STT3B: variants seen among roughly 807,000 people sequenced by gnomAD.
The protein encoded by STT3B is STT3 oligosaccharyltransferase complex catalytic subunit B.
A neutral mutation model predicts 96.8 loss-of-function variants in STT3B; 29 were observed. The ratio of observed to expected loss-of-function variants is 0.30; its 90% CI spans 0.22 to 0.41. STT3B has a LOEUF of 0.41. Among genes scored for constraint, STT3B ranks in the 10% least tolerant of loss-of-function variants. The probability of loss-of-function intolerance (pLI) is 1.00; values close to 1 mark genes in which losing one functional copy is unlikely to be tolerated. For missense variants in STT3B, 640 were observed against 1,022.3 expected (o/e 0.63, Z 5.10); for synonymous variants, 367 against 360.0 (o/e 1.02, Z -0.22).
At chr3:31,594,522 C>T (rs962818719) in intron 3 of STT3B, among the ~76,000 whole-genome samples, 9 of 151,990 alleles carry the variant, frequency 5.9e-5, no homozygotes, top group Admixed American at 3.9e-4. Flanking sequence ...CTCCACCTCC[C>T]GGGTTCAAGT....
In STT3B at chr3:31,533,378, G is replaced by C. The variant is rs547793666; in HGVS notation, c.314+66G>C. On this transcript the variant is annotated intron_variant, in intron 1 of 15. Coordinates refer to ENST00000295770, the MANE Select transcript of STT3B (RefSeq NM_178862.3). ...GGAACCGGGACCCGCTCCTCCGCCC[G>C]CCGCAGCTCTCCTCGACTTGGCCCC... is the stretch of plus-strand genomic sequence containing the variant. The C allele has an allele frequency of 6.5e-6, 9 of 1,394,134 alleles. No homozygotes were observed. The South Asian group carries it at 1.1e-4, about 16-fold the overall frequency. 86.4% of individuals were successfully genotyped at this position (1,394,134 alleles called of 1,614,324 possible).
At chr3:31,569,349 A>G (rs1698083531) in intron 1 of STT3B, among the ~76,000 whole-genome samples, 1 of 152,140 alleles carries the variant, frequency 6.6e-6, no homozygotes, top group Non-Finnish European at 1.5e-5. Flanking sequence ...CCCAAAAAAC[A>G]TAACCATTTT....
intron 4 of STT3B, among the ~76,000 whole-genome samples, chr3:31,599,273 A>C (rs949326823): frequency 1.3e-5 from 2 of 152,138 alleles, no homozygotes; most frequent in African/African-American, 4.8e-5. Flanking sequence ...AATGTCATGG[A>C]ATATGTGCAT....
chr3:31,622,051 G>A (rs1394462603), intron 9 of STT3B, 46 bp from the exon 10 acceptor site: 3 of 1,516,612 alleles, frequency 2.0e-6, no homozygotes, highest in Non-Finnish European at 2.7e-6. Flanking sequence ...CAGTTTCCTG[G>A]GAACTTTTTC....
At chr3:31,568,756 G>A (rs1381860490) in intron 1 of STT3B, among the ~76,000 whole-genome samples, 1 of 152,098 alleles carries the variant, frequency 6.6e-6, no homozygotes, top group Non-Finnish European at 1.5e-5. Context: ...TAAATTAGGT[G>A]TTTCAATATA....
At chr3:31,539,960 GC>G (rs1407547707) in intron 1 of STT3B, among the ~76,000 whole-genome samples, 1 of 152,058 alleles carries the variant, frequency 6.6e-6, no homozygotes, top group African/African-American at 2.4e-5. Flanking sequence ...GTATGTGTTG[GC>G]CCCCTGTTTC....
At chr3:31,557,808 A>G (rs1049785594) in intron 1 of STT3B, among the ~76,000 whole-genome samples, 6 of 151,872 alleles carry the variant, frequency 4.0e-5, no homozygotes, top group Non-Finnish European at 7.4e-5. Flanking sequence ...AATTTTTCAC[A>G]TTTTTAGTAG....
chr3:31,558,320 T>C (rs1278793906), intron 1 of STT3B, among the ~76,000 whole-genome samples: 1 of 152,240 alleles, frequency 6.6e-6, no homozygotes, highest in Non-Finnish European at 1.5e-5. Flanking sequence ...GGGTTTGTCA[T>C]ATATGGCGTT....
chr3:31,586,907 CCTT>C (rs1278668281), intron 3 of STT3B, among the ~76,000 whole-genome samples: 1 of 152,050 alleles, frequency 6.6e-6, no homozygotes, highest in East Asian at 1.9e-4. Context: ...AACGGAAAAG[CCTT>C]CTGGGATGTT....
intron 3 of STT3B, 78 bp from the exon 4 acceptor site, chr3:31,596,720 A>C: frequency 8.9e-7 from 1 of 1,126,698 alleles, no homozygotes; most frequent in Admixed American, 1.9e-5. Context: ...GCCTGTGGTT[A>C]CCAAACATTT....
At chr3:31,571,083 G>A (rs2125449058) in intron 1 of STT3B, among the ~76,000 whole-genome samples, 1 of 152,218 alleles carries the variant, frequency 6.6e-6, no homozygotes, top group South Asian at 2.1e-4. Context: ...CTAATGTTTG[G>A]TCAAGAGGAG....
intron 8 of STT3B, among the ~76,000 whole-genome samples, chr3:31,618,908 A>G (rs1193538842): frequency 6.6e-6 from 1 of 151,918 alleles, no homozygotes; most frequent in Non-Finnish European, 1.5e-5. Context: ...TTATACAGTT[A>G]TATATAACTG....
chr3:31,591,646 T>G (rs575698651), intron 3 of STT3B, among the ~76,000 whole-genome samples: 100 of 152,204 alleles, frequency 6.6e-4, no homozygotes, highest in African/African-American at 2.1e-3. Flanking sequence ...ACAGCCTTAT[T>G]TTTTCTCTCC....
In STT3B at chr3:31,626,013, T is replaced by A; in HGVS notation, c.1959T>A (p.Asp653Glu). The A allele has an allele frequency of 6.2e-7, 1 of 1,613,800 alleles. No homozygotes were observed. Among genetic ancestry groups the A allele is most frequent in the Non-Finnish European group, 8.5e-7 (1 of 1,179,816 alleles). The stretch of plus-strand genomic sequence containing the variant: ...CCTATAAAATCATGAGGACTCTAGA[T>A]GTAGATTATGTTTTGGTTATTTTTG... The part of the protein sequence containing the change: ...TAAYKIMRTL[D>E]VDYVLVIFGG... Residue 653 changes from aspartate (D) to glutamate (E), a missense_variant, in exon 13 of 16, where the codon GAT (aspartate) becomes GAA (glutamate). By Grantham distance (45) the Asp-to-Glu change is conservative. Transcript: ENST00000295770.
intron 3 of STT3B, among the ~76,000 whole-genome samples, chr3:31,587,386 A>G (rs1468437782): frequency 2.0e-5 from 3 of 152,038 alleles, no homozygotes; most frequent in African/African-American, 7.2e-5. Flanking sequence ...AAGGAATTAT[A>G]TAATATGTTG....
chr3:31,619,594 C>A, intron 8 of STT3B, 82 bp from the exon 9 acceptor site: 1 of 1,227,748 alleles, frequency 8.1e-7, no homozygotes, highest in South Asian at 1.4e-5. Flanking sequence ...ACCATTTCTA[C>A]AACCAAACAA....
intron 3 of STT3B, among the ~76,000 whole-genome samples, chr3:31,583,383 C>G (rs751612288): frequency 1.2e-4 from 18 of 152,112 alleles, no homozygotes; most frequent in Middle Eastern, 3.4e-3. Flanking sequence ...GTTGCCCAGG[C>G]TGGTCTTGAA....
intron 1 of STT3B, among the ~76,000 whole-genome samples, chr3:31,546,614 G>C (rs974055477): frequency 1.3e-5 from 2 of 152,182 alleles, no homozygotes; most frequent in Non-Finnish European, 2.9e-5. Context: ...GGTAGGGGCA[G>C]AATTGTTTAA....
At chr3:31,588,844 T>C (rs1270280323) in intron 3 of STT3B, among the ~76,000 whole-genome samples, 1 of 152,072 alleles carries the variant, frequency 6.6e-6, no homozygotes, top group Non-Finnish European at 1.5e-5. Context: ...TGCTCTGTTC[T>C]GTTCTGCTGA....
Sources: allele counts gnomAD v4.1 joint callset (sites outside exome capture counted in the v4.1 genomes callset), GRCh38; gene constraint gnomAD v4.1.1; transcripts MANE v1.5; gene names NCBI Gene and HGNC (gene_info 2026-07-23, HGNC 2026-07-21).